The following GRIA3 variants were observed in gnomAD, a reference collection of about 807,000 sequenced individuals.
The protein encoded by GRIA3 is glutamate ionotropic receptor AMPA type subunit 3, also known as glutamate receptor 3.
In GRIA3, 3 loss-of-function variants were observed where a neutral mutation model predicts 63.0. That is an observed-to-expected ratio of 0.05 (90% confidence interval 0.02 to 0.12). The LOEUF (loss-of-function observed/expected upper bound fraction) is 0.12, where lower values mean the gene tolerates loss of function less well. GRIA3 is among the 10% of genes least tolerant of loss of function. GRIA3 has a pLI of 1.00. For missense variants in GRIA3, 347 were observed against 700.9 expected, an observed-to-expected ratio of 0.50 and a Z score of 5.70; for synonymous variants, 274 against 257.9, an observed-to-expected ratio of 1.06 and a Z score of -0.60.
At chrX:123,419,645 T>C (rs1278706190) in intron 11 of GRIA3, among the ~76,000 whole-genome samples, 3 of 110,906 alleles carry the variant, frequency 2.7e-5, no homozygotes, top group African/African-American at 9.8e-5. Context: ...GTAAAGCAAG[T>C]ACAGGGATCA....
At chrX:123,295,488 C>G (rs997151404) in intron 3 of GRIA3, among the ~76,000 whole-genome samples, 7 of 111,239 alleles carry the variant, frequency 6.3e-5, no homozygotes, top group Admixed American at 4.8e-4. Flanking sequence ...GTGCTTCACA[C>G]TACCTATCAT....
intron 2 of GRIA3, among the ~76,000 whole-genome samples, chrX:123,245,246 T>C (rs1436329862): frequency 9.0e-6 from 1 of 111,638 alleles, no homozygotes; most frequent in Non-Finnish European, 1.9e-5. Flanking sequence ...AGCAGACACA[T>C]AGGTGGAGGA....
At chrX:123,319,530 G>C (rs2044854175) in intron 3 of GRIA3, among the ~76,000 whole-genome samples, 1 of 111,700 alleles carries the variant, frequency 9.0e-6, no homozygotes, top group Non-Finnish European at 1.9e-5. Context: ...TGTCCAAACT[G>C]AGCATATTAA....
At chrX:123,385,096 T>A (rs1007434527) in intron 5 of GRIA3, among the ~76,000 whole-genome samples, 1 of 112,118 alleles carries the variant, frequency 8.9e-6, no homozygotes, top group Non-Finnish European at 1.9e-5. Context: ...TAAATGGTAT[T>A]ACCTAGGTTG....
chrX:123,371,630 G>A (rs910329597), intron 5 of GRIA3, among the ~76,000 whole-genome samples: 1 of 111,291 alleles, frequency 9.0e-6, no homozygotes, highest in Non-Finnish European at 1.9e-5. Flanking sequence ...TTTCTCTGAT[G>A]ATCAGTAATG....
intron 5 of GRIA3, among the ~76,000 whole-genome samples, chrX:123,360,904 T>G: frequency 1.2e-5 from 1 of 86,425 alleles, no homozygotes; most frequent in African/African-American, 4.4e-5. Context: ...CACACACACA[T>G]TTTCATTCCC....
chrX:123,319,189 A>G (rs976612028), intron 3 of GRIA3, among the ~76,000 whole-genome samples: 2 of 111,952 alleles, frequency 1.8e-5, no homozygotes, highest in Non-Finnish European at 3.8e-5. Flanking sequence ...GGATACAGCC[A>G]AACCATATCA....
At chrX:123,363,804 G>A (rs1399686297) in intron 5 of GRIA3, among the ~76,000 whole-genome samples, 1 of 112,427 alleles carries the variant, frequency 8.9e-6, no homozygotes, top group Non-Finnish European at 1.9e-5. Context: ...CGTTTCAGAA[G>A]AATCACTTCT....
chrX:123,324,705 T>A (rs2044888767), intron 3 of GRIA3, among the ~76,000 whole-genome samples: 1 of 112,310 alleles, frequency 8.9e-6, no homozygotes, highest in South Asian at 3.7e-4. Context: ...AATTACCAAG[T>A]GCTTGGGTCT....
intron 3 of GRIA3, among the ~76,000 whole-genome samples, chrX:123,274,146 T>C (rs2044539932): frequency 8.9e-6 from 1 of 112,615 alleles, no homozygotes; most frequent in African/African-American, 3.2e-5. Flanking sequence ...GAATAACAAA[T>C]ACTTTTTAAG....
intron 3 of GRIA3, among the ~76,000 whole-genome samples, chrX:123,267,420 C>A (rs1030340059): frequency 8.9e-6 from 1 of 111,864 alleles, no homozygotes; most frequent in Non-Finnish European, 1.9e-5. Flanking sequence ...AGCTGCAGTG[C>A]GCCTTATGGT....
chrX:123,362,750 A>T (rs2045184953), intron 5 of GRIA3, among the ~76,000 whole-genome samples: 1 of 110,683 alleles, frequency 9.0e-6, no homozygotes, highest in East Asian at 2.8e-4. Flanking sequence ...GAGAGAGATC[A>T]GTGGCTATTT....
At chrX:123,338,794 C>T (rs1425731914) in intron 4 of GRIA3, among the ~76,000 whole-genome samples, 1 of 112,033 alleles carries the variant, frequency 8.9e-6, no homozygotes, top group Non-Finnish European at 1.9e-5. Flanking sequence ...TCGTGATCCG[C>T]CTGCCTCGGC....
chrX:123,460,353 CTGG>C (rs1221900612), intron 12 of GRIA3, among the ~76,000 whole-genome samples: 4 of 111,427 alleles, frequency 3.6e-5, no homozygotes, highest in Non-Finnish European at 5.7e-5. Context: ...GTATTCAGGT[CTGG>C]TTGGGCCAAG....
chrX:123,214,708 G>A (rs1363370349), intron 2 of GRIA3, among the ~76,000 whole-genome samples: 1 of 111,991 alleles, frequency 8.9e-6, no homozygotes, highest in Non-Finnish European at 1.9e-5. Context: ...ACCTATTAAG[G>A]ACTGCAAGAG....
At chrX:123,396,984 G>A (rs1032134598) in intron 6 of GRIA3, among the ~76,000 whole-genome samples, 3 of 111,553 alleles carry the variant, frequency 2.7e-5, no homozygotes, top group Non-Finnish European at 5.7e-5. Context: ...TTAGGCATGA[G>A]AAAATGAGTA....
At chrX:123,194,810 T>A (rs1927531181) in intron 2 of GRIA3, among the ~76,000 whole-genome samples, 1 of 112,363 alleles carries the variant, frequency 8.9e-6, no homozygotes, top group South Asian at 3.7e-4. Context: ...GAATACCCAC[T>A]GAGCACCAGG....
intron 11 of GRIA3, among the ~76,000 whole-genome samples, chrX:123,420,397 CA>C (rs1490295809): frequency 1.8e-5 from 2 of 111,344 alleles, no homozygotes; most frequent in East Asian, 5.6e-4. Context: ...TTACATTCTC[CA>C]AATTATTTCA....
chrX:123,238,973 A>C (rs1338720729), intron 2 of GRIA3, among the ~76,000 whole-genome samples: 1 of 110,846 alleles, frequency 9.0e-6, no homozygotes, highest in African/African-American at 3.3e-5. Context: ...GTATATCTCC[A>C]GCATCTGGCA....
Sources: gnomAD v4.1 joint callset for allele counts (sites outside exome capture counted in the v4.1 genomes callset) on GRCh38, gnomAD v4.1.1 for gene constraint, MANE v1.5 for transcripts, NCBI Gene and HGNC (gene_info 2026-07-23, HGNC 2026-07-21) for gene names.